SYT1: variants seen among roughly 807,000 people sequenced by gnomAD.
The protein encoded by SYT1 is synaptotagmin-1.
A neutral mutation model predicts 44.8 loss-of-function variants in SYT1; 8 were observed. The ratio of observed to expected loss-of-function variants is 0.18; its 90% confidence interval spans 0.10 to 0.32. The LOEUF (loss-of-function observed/expected upper bound fraction) is 0.32, where lower values mean the gene tolerates loss of function less well. Ranked by LOEUF, SYT1 falls within the 10% of genes least tolerant of loss-of-function variation. SYT1 has a pLI of 1.00. For missense variants in SYT1, 286 were observed against 509.3 expected (o/e 0.56, Z 4.22); for synonymous variants, 154 against 188.8 (o/e 0.82, Z 1.51).
chr12:79,111,619 C>T (rs775543824), intron 3 of SYT1, among the ~76,000 whole-genome samples: 22 of 151,904 alleles, frequency 1.4e-4, no homozygotes, highest in Non-Finnish European at 2.4e-4. Flanking sequence ...CAGTTTGCAA[C>T]GCATTTTCTT....
intron 3 of SYT1, among the ~76,000 whole-genome samples, chr12:79,171,255 A>C (rs1871504663): frequency 6.6e-6 from 1 of 152,064 alleles, no homozygotes; most frequent in South Asian, 2.1e-4. Flanking sequence ...TAATAGGAAT[A>C]GCATTGAATC....
intron 3 of SYT1, among the ~76,000 whole-genome samples, chr12:79,200,973 A>G (rs564127279): frequency 6.6e-6 from 1 of 152,290 alleles, no homozygotes; most frequent in African/African-American, 2.4e-5. Context: ...AAGGAAATGT[A>G]TTTTGGAATC....
intron 3 of SYT1, among the ~76,000 whole-genome samples, chr12:79,099,542 A>G (rs756179764): frequency 2.5e-4 from 38 of 152,298 alleles, no homozygotes; most frequent in Non-Finnish European, 4.4e-4. Flanking sequence ...AGGAATCACA[A>G]CTTCTCAGAT....
chr12:79,158,017 T>A (rs1870706931), intron 3 of SYT1, among the ~76,000 whole-genome samples: 1 of 152,148 alleles, frequency 6.6e-6, no homozygotes, highest in South Asian at 2.1e-4. Flanking sequence ...ACCAGTTTCA[T>A]GGAAGACGAT....
At chr12:78,975,332 T>C (rs765426941) in intron 1 of SYT1, among the ~76,000 whole-genome samples, 2 of 152,094 alleles carry the variant, frequency 1.3e-5, no homozygotes, top group Non-Finnish European at 2.9e-5. Context: ...GCAGGACGAG[T>C]TCAGAGAAGG....
chr12:79,272,500 C>T (rs1592918667), intron 4 of SYT1, among the ~76,000 whole-genome samples: 1 of 152,062 alleles, frequency 6.6e-6, no homozygotes, highest in Non-Finnish European at 1.5e-5. Context: ...TATGTATTTC[C>T]CCATTTTTCC....
intron 3 of SYT1, among the ~76,000 whole-genome samples, chr12:79,174,357 T>C (rs1387561035): frequency 1.3e-5 from 2 of 152,004 alleles, no homozygotes; most frequent in African/African-American, 4.8e-5. Context: ...TGGTTAATAA[T>C]CTGGAAGTGG....
At chr12:78,978,134 T>C (rs921167957) in intron 2 of SYT1, among the ~76,000 whole-genome samples, 8 of 152,206 alleles carry the variant, frequency 5.3e-5, no homozygotes, top group Non-Finnish European at 1.0e-4. Context: ...ATTATTACTA[T>C]TATTAATGTT....
rs1017705922 is a variant in SYT1, at chr12:79,053,383, G to C, written c.-18+6021G>C. ...GGGGTGGGGGGAGCAGGGAGGGATAGCGTTAGGAGATATACCTAATGCTAA... is the reference window on the plus strand; with the variant it reads ...GGGGTGGGGGGAGCAGGGAGGGATACCGTTAGGAGATATACCTAATGCTAA... On this transcript the variant is annotated intron_variant, in intron 3 of 10. Transcript: ENST00000261205. Among the ~76,000 whole-genome samples, 203 of 152,144 alleles carry C rather than the reference G, an allele frequency of 1.3e-3. 2 individuals carry two copies. Among genetic ancestry groups the C allele is most frequent in the African/African-American group, 4.8e-3 (198 of 41,538 alleles).
chr12:78,876,898 T>TATATATATTATATATATA (rs1874192933), intron 1 of SYT1, among the ~76,000 whole-genome samples: 4 of 17,110 alleles, frequency 2.3e-4, no homozygotes, highest in African/African-American at 5.8e-4. Context: ...TAATATATAT[T>TATATATATTATATATATA]ATATATTATA....
At chr12:78,877,924 T>C (rs1054342648) in intron 1 of SYT1, among the ~76,000 whole-genome samples, 1 of 151,796 alleles carries the variant, frequency 6.6e-6, no homozygotes, top group Non-Finnish European at 1.5e-5. Context: ...CCACCACACC[T>C]GTCCTCAAAA....
chr12:79,265,213 G>A lies in SYT1; in HGVS notation c.167-20574G>A, dbSNP rs1220549749. Among the ~76,000 whole-genome samples, 7 of 151,798 alleles carry A rather than the reference G, an allele frequency of 4.6e-5. 1 individual carries two copies. The highest frequency in any genetic ancestry group is 1.4e-4 in the African/African-American group (6 of 41,394). ...ATATATTATCACAAATCATTTACAG[G>A]GTTTTTATGCTTATCTCTTCTCTCC... On this transcript the variant is annotated intron_variant, in intron 4 of 10. Coordinates refer to ENST00000261205, the MANE Select transcript of SYT1 (RefSeq NM_005639.3).
intron 4 of SYT1, among the ~76,000 whole-genome samples, chr12:79,265,670 A>G (rs755384558): frequency 2.4e-4 from 36 of 152,234 alleles, no homozygotes; most frequent in African/African-American, 8.7e-4. Context: ...TAGATCCCCA[A>G]TGTTATCATC....
rs1868680346 is a variant in SYT1 at position 78,974,636 on chromosome 12, C to T, written c.-216-3163C>T. Among the ~76,000 whole-genome samples, 3 of 152,060 alleles carry T rather than the reference C, an allele frequency of 2.0e-5. 1 individual carries two copies. The South Asian group carries it at 6.2e-4, about 32-fold the overall frequency. On this transcript the variant is annotated intron_variant, in intron 1 of 10. Coordinates refer to ENST00000261205, the MANE Select transcript of SYT1 (RefSeq NM_005639.3). ...CATTTTTAGTAGAGACGGGGTTTCA[C>T]CATGTTAGCCAGGATGGTCTCGATC...
chr12:79,416,146 G>C (rs1019593332), intron 9 of SYT1, among the ~76,000 whole-genome samples: 1 of 152,110 alleles, frequency 6.6e-6, no homozygotes, highest in Non-Finnish European at 1.5e-5. Context: ...AAGAGAGAGG[G>C]AACCACGAAG....
intron 8 of SYT1, among the ~76,000 whole-genome samples, chr12:79,302,148 A>C (rs1526953): frequency 0.058 from 8,884 of 152,256 alleles, 342 homozygotes; most frequent in African/African-American, 0.098. Context: ...TTTCCACTTT[A>C]CATGAGCAAT....
chr12:78,925,746 C>T (rs544454917), intron 1 of SYT1, among the ~76,000 whole-genome samples: 15 of 151,960 alleles, frequency 9.9e-5, no homozygotes, highest in South Asian at 2.1e-4. Context: ...CTAATAATCG[C>T]GCTTTTTCTA....
intron 3 of SYT1, among the ~76,000 whole-genome samples, chr12:79,144,682 C>T (rs1339967052): frequency 6.6e-6 from 1 of 152,218 alleles, no homozygotes; most frequent in Non-Finnish European, 1.5e-5. Context: ...TCTTCACACC[C>T]TGGCTCATTT....
rs187882205 is a variant in SYT1 at position 79,061,031 on chromosome 12, G to A, written c.-18+13669G>A. On this transcript the variant is annotated intron_variant, in intron 3 of 10. Transcript: ENST00000261205. ...GACTGTTCTTCAGAAGATTCGTGAA[G>A]TTAGGGTATTTAAAAATTGCCATTT... Among the ~76,000 whole-genome samples, 35 of 152,178 alleles carry A rather than the reference G, an allele frequency of 2.3e-4. No individual in the cohort carries two copies. The East Asian group carries it at 6.2e-3, about 27-fold the overall frequency.
Sources: allele counts gnomAD v4.1 joint callset (sites outside exome capture counted in the v4.1 genomes callset), GRCh38; gene constraint gnomAD v4.1.1; transcripts MANE v1.5; gene names NCBI Gene and HGNC (gene_info 2026-07-23, HGNC 2026-07-21).